The following CCDC3 variants were observed in gnomAD, a reference collection of about 807,000 sequenced individuals.
CCDC3 encodes the protein coiled-coil domain-containing protein 3.
In CCDC3, 24 loss-of-function variants were observed where a neutral mutation model predicts 21.4. That is an observed-to-expected ratio of 1.12 (90% CI 0.81 to 1.58). The LOEUF is 1.58. CCDC3 is among the 40% of genes most tolerant of loss of function. CCDC3 has a pLI of 0.00. For missense variants in CCDC3, 425 were observed against 360.9 expected (o/e 1.18, Z -1.44); for synonymous variants, 186 against 166.0 (o/e 1.12, Z -0.93).
intron 2 of CCDC3, among the ~76,000 whole-genome samples, chr10:12,901,819 C>G (rs186696455): frequency 6.6e-6 from 1 of 152,312 alleles, no homozygotes. Flanking sequence ...TCCTTCTGTT[C>G]CCACATTTTA....
intron 5 of CCDC3, among the ~76,000 whole-genome samples, chr10:13,036,262 T>C (rs576164649): frequency 6.6e-6 from 1 of 152,332 alleles, no homozygotes; most frequent in Non-Finnish European, 1.5e-5. Flanking sequence ...TCCTGAGTCC[T>C]GCCCTATCTC....
intron 5 of CCDC3, among the ~76,000 whole-genome samples, chr10:13,049,325 C>G (rs996063607): frequency 2.6e-5 from 4 of 152,138 alleles, no homozygotes; most frequent in African/African-American, 9.6e-5. Flanking sequence ...TCTTGAAATA[C>G]AAGAATCATG....
intron 2 of CCDC3, among the ~76,000 whole-genome samples, chr10:12,929,125 G>A (rs572588177): frequency 2.9e-4 from 44 of 152,140 alleles, no homozygotes; most frequent in East Asian, 5.8e-4. Context: ...AGCTGGGCGC[G>A]ATGGCAGGCA....
At chr10:13,010,601 C>T (rs1411739621) in intron 5 of CCDC3, among the ~76,000 whole-genome samples, 1 of 152,166 alleles carries the variant, frequency 6.6e-6, no homozygotes, top group African/African-American at 2.4e-5. Flanking sequence ...AGCCATTCCA[C>T]TCCTAGGGAT....
In CCDC3 at chr10:12,898,403, GC is replaced by G; in HGVS notation, c.*12del. ...CAGGATTGGCCCTGCACACCTGGCA[GC>G]CCCCAGGCCCGTTACCCCCGCAGGT... On this transcript the variant is annotated 3_prime_UTR_variant, in exon 3 of 3. Coordinates refer to ENST00000378825, the MANE Select transcript of CCDC3 (RefSeq NM_031455.4). 1 of 1,576,440 alleles carries G rather than the reference GC, an allele frequency of 6.3e-7. No homozygotes were observed. The highest frequency in any genetic ancestry group is 1.8e-5 in the Admixed American group (1 of 54,356).
At chr10:12,910,767 G>A (rs1378035296) in intron 2 of CCDC3, among the ~76,000 whole-genome samples, 3 of 151,892 alleles carry the variant, frequency 2.0e-5, no homozygotes, top group African/African-American at 7.3e-5. Flanking sequence ...CCTAATTTTT[G>A]TATTTTTAGT....
intron 3 of CCDC3, among the ~76,000 whole-genome samples, chr10:13,093,262 C>T (rs1265463703): frequency 1.3e-5 from 2 of 152,070 alleles, no homozygotes; most frequent in African/African-American, 2.4e-5. Flanking sequence ...TGGCGGCAGG[C>T]AAGAGAGAGA....
intron 2 of CCDC3, among the ~76,000 whole-genome samples, chr10:12,918,927 C>T (rs1403526290): frequency 3.3e-5 from 5 of 152,054 alleles, no homozygotes; most frequent in Non-Finnish European, 5.9e-5. Context: ...TGGTGGTGGG[C>T]GCCTGTAGTC....
rs1387465129 is a variant in CCDC3, at chr10:13,001,182, C to T, written c.374+15G>A. ...CAGAGAGAGAGAGAGGTGGCGGCGG[C>T]GCCGCCGGGCTCACCTGAGGAAGAA... On this transcript the variant is annotated intron_variant, in intron 1 of 2. Coordinates refer to ENST00000378825, the MANE Select transcript of CCDC3 (RefSeq NM_031455.4). The T allele has an allele frequency of 3.2e-6, 5 of 1,543,272 alleles. No homozygotes were observed. The highest frequency in any genetic ancestry group is 1.7e-4 in the Middle Eastern group (1 of 5,802).
chr10:13,020,983 T>A (rs1836138305), intron 5 of CCDC3, among the ~76,000 whole-genome samples: 1 of 152,226 alleles, frequency 6.6e-6, no homozygotes, highest in Non-Finnish European at 1.5e-5. Context: ...AATGAATGAA[T>A]GAATGAATCA....
chr10:12,935,411 A>G (rs1470132786), intron 2 of CCDC3, among the ~76,000 whole-genome samples: 1 of 152,172 alleles, frequency 6.6e-6, no homozygotes, highest in East Asian at 1.9e-4. Context: ...ATGGCAATCT[A>G]TCTTTTAATT....
chr10:12,954,996 C>T (rs1332095331), intron 2 of CCDC3, among the ~76,000 whole-genome samples: 1 of 152,268 alleles, frequency 6.6e-6, no homozygotes, highest in South Asian at 2.1e-4. Flanking sequence ...TACTGTCCCA[C>T]CTAGACATTA....
At chr10:13,093,206 G>A (rs1303190456) in intron 3 of CCDC3, among the ~76,000 whole-genome samples, 2 of 152,134 alleles carry the variant, frequency 1.3e-5, no homozygotes, top group East Asian at 1.9e-4. Flanking sequence ...CCACGTGGCT[G>A]GGGAGGCCTC....
chr10:13,036,789 T>A (rs1328194493), intron 5 of CCDC3, among the ~76,000 whole-genome samples: 1 of 145,442 alleles, frequency 6.9e-6, no homozygotes, highest in Non-Finnish European at 1.5e-5. Flanking sequence ...CTGGCTCTTA[T>A]GTACATTTTT....
intron 3 of CCDC3, among the ~76,000 whole-genome samples, chr10:13,075,116 C>G (rs1215109922): frequency 6.6e-6 from 1 of 152,186 alleles, no homozygotes; most frequent in Non-Finnish European, 1.5e-5. Context: ...CCCACTGAAA[C>G]GAGGCTTTAC....
intron 2 of CCDC3, among the ~76,000 whole-genome samples, chr10:12,919,286 G>T (rs1222422040): frequency 6.6e-6 from 1 of 151,954 alleles, no homozygotes. Flanking sequence ...CTTTGCTTGT[G>T]TAACTAGAAA....
intron 2 of CCDC3, among the ~76,000 whole-genome samples, chr10:12,911,478 A>G (rs1834269776): frequency 6.6e-6 from 1 of 152,214 alleles, no homozygotes; most frequent in Admixed American, 6.5e-5. Flanking sequence ...CACCACTCAA[A>G]GACAACTTGC....
At chr10:12,996,374 C>T (rs1436175920) in intron 2 of CCDC3, among the ~76,000 whole-genome samples, 2 of 152,082 alleles carry the variant, frequency 1.3e-5, no homozygotes, top group Non-Finnish European at 2.9e-5. Flanking sequence ...CTTACTCTGT[C>T]GCCCAGGCTG....
intron 3 of CCDC3, among the ~76,000 whole-genome samples, chr10:13,080,213 G>T (rs543127267): frequency 2.0e-5 from 3 of 152,046 alleles, no homozygotes; most frequent in Admixed American, 6.5e-5. Context: ...GAGAGAGAGC[G>T]AGAGCGAGCA....
Sources: allele counts gnomAD v4.1 joint callset (sites outside exome capture counted in the v4.1 genomes callset), GRCh38; gene constraint gnomAD v4.1.1; transcripts MANE v1.5; gene names NCBI Gene and HGNC (gene_info 2026-07-23, HGNC 2026-07-21).